ARHGAP12: variants seen among roughly 807,000 people sequenced by gnomAD.
ARHGAP12 encodes the protein Rho GTPase activating protein 12, also known as rho GTPase-activating protein 12.
In ARHGAP12, 64 loss-of-function variants were observed where a neutral mutation model predicts 108.6. That is an observed-to-expected ratio of 0.59 (90% CI 0.48 to 0.73). The LOEUF (loss-of-function observed/expected upper bound fraction) is 0.73. Among genes scored for constraint, ARHGAP12 ranks in the 30% least tolerant of loss-of-function variants. The pLI is 0.00. For synonymous variants in ARHGAP12, 312 were observed against 337.2 expected (o/e 0.93, Z 0.82); for missense variants, 940 against 1,005.9 (o/e 0.93, Z 0.89).
At chr10:31,853,165 TAAC>T (rs1207559177) in intron 5 of ARHGAP12, among the ~76,000 whole-genome samples, 1 of 152,156 alleles carries the variant, frequency 6.6e-6, no homozygotes, top group Non-Finnish European at 1.5e-5. Context: ...AAGCACCACT[TAAC>T]AACAAGCAAC....
At chr10:31,879,492 T>C (rs1837856578) in intron 3 of ARHGAP12, among the ~76,000 whole-genome samples, 1 of 152,246 alleles carries the variant, frequency 6.6e-6, no homozygotes, top group Non-Finnish European at 1.5e-5. Context: ...AAAAAATTTA[T>C]TTTGAAAATA....
chr10:31,892,295 A>C (rs998894959), intron 3 of ARHGAP12, among the ~76,000 whole-genome samples: 1 of 152,218 alleles, frequency 6.6e-6, no homozygotes, highest in Non-Finnish European at 1.5e-5. Flanking sequence ...TAAATGCTCC[A>C]ATTAAAAGAC....
chr10:31,839,644 T>C lies in ARHGAP12; in HGVS notation c.1364A>G (p.Gln455Arg), dbSNP rs1483239953. 1.2e-6 allele frequency: 2 copies of C among 1,604,550 alleles called. No homozygotes were observed. The highest frequency in any genetic ancestry group is 2.2e-5 in the East Asian group (1 of 44,554). Residue 455 changes from glutamine to arginine, a missense_variant, in exon 8 of 20, where the codon CAA becomes CGA. Transcript: ENST00000344936. ...TGCTTCTATCATACTAACTGTATCT[T>C]GGTGCTTTGGTGAGGAGGGAGAAGA... The part of the protein sequence containing the change: ...NESSPSSPKH[Q>R]DTASSPKDQE...
chr10:31,851,464 C>T (rs2132279171), intron 6 of ARHGAP12, among the ~76,000 whole-genome samples: 1 of 152,254 alleles, frequency 6.6e-6, no homozygotes, highest in South Asian at 2.1e-4. Flanking sequence ...CCATTATGGC[C>T]ACCTACACAT....
intron 3 of ARHGAP12, among the ~76,000 whole-genome samples, chr10:31,887,707 G>GAGT (rs1838242312): frequency 6.7e-6 from 1 of 149,376 alleles, no homozygotes; most frequent in Non-Finnish European, 1.5e-5. Context: ...GCCCAGGCTG[G>GAGT]AGTGCAGTGG....
chr10:31,918,291 G>A (rs1839643963), intron 1 of ARHGAP12, among the ~76,000 whole-genome samples: 1 of 146,622 alleles, frequency 6.8e-6, no homozygotes, highest in African/African-American at 2.5e-5. Context: ...CAAAGATGCT[G>A]AATATTACTG....
chr10:31,881,255 G>A (rs890940963), intron 3 of ARHGAP12, among the ~76,000 whole-genome samples: 2 of 151,750 alleles, frequency 1.3e-5, no homozygotes, highest in Non-Finnish European at 2.9e-5. Flanking sequence ...GTAATGGGCA[G>A]TATCATGTTA....
intron 3 of ARHGAP12, among the ~76,000 whole-genome samples, chr10:31,905,865 T>C (rs1351743196): frequency 3.3e-5 from 5 of 151,368 alleles, no homozygotes; most frequent in South Asian, 4.1e-4. Flanking sequence ...ATAACAACAA[T>C]AATAACAATG....
chr10:31,833,024 A>C (rs1348251195), intron 9 of ARHGAP12, among the ~76,000 whole-genome samples: 4 of 152,164 alleles, frequency 2.6e-5, no homozygotes, highest in African/African-American at 4.8e-5. Flanking sequence ...CAAAAACATT[A>C]ATAACACAAT....
At position 31,861,376 on chromosome 10, in the gene ARHGAP12, A is replaced by G. The variant is rs777661450; in HGVS notation, c.948+19T>C. 6.4e-7 allele frequency: 1 copy of G among 1,574,484 alleles called. No individual in the cohort carries two copies. Among genetic ancestry groups the G allele is most frequent in the East Asian group, 2.2e-5 (1 of 44,576 alleles). On this transcript the variant is annotated intron_variant, in intron 4 of 19. Transcript: ENST00000344936. ...GAGAAAATCTGGTAACTTGCAGTTG[A>G]TTCCTTAATTACTCATACCTCTTGA...
In ARHGAP12 at chr10:31,820,434, T is replaced by C. The variant is rs185255532; in HGVS notation, c.1585A>G (p.Ile529Val). The change falls in exon 12 of 20, where the codon ATT becomes GTT. Residue 529 changes from isoleucine to valine, a missense_variant. Transcript: ENST00000344936. ...EFTVDLKGAT[I>V]EMASKDKSSK... ...GATTTATCCTTTGAAGCCATCTCAA[T>C]TGTTGCCCCCTTGAGGTCCACTGTG... The C allele has an allele frequency of 6.8e-6, 11 of 1,612,520 alleles. No homozygotes were observed. The highest frequency in any genetic ancestry group is 2.2e-5 in the East Asian group (1 of 44,730).
At chr10:31,879,005 T>A (rs1837839521) in intron 3 of ARHGAP12, among the ~76,000 whole-genome samples, 1 of 152,228 alleles carries the variant, frequency 6.6e-6, no homozygotes, top group Admixed American at 6.5e-5. Context: ...AAATGAAATC[T>A]TCAACTATTT....
intron 3 of ARHGAP12, among the ~76,000 whole-genome samples, chr10:31,887,727 G>A (rs996218445): frequency 6.2e-5 from 9 of 145,134 alleles, no homozygotes; most frequent in Non-Finnish European, 1.0e-4. Context: ...GCGTGATCTC[G>A]CCTCACTGCA....
intron 1 of ARHGAP12, among the ~76,000 whole-genome samples, chr10:31,911,878 T>G (rs1839364401): frequency 2.6e-5 from 4 of 152,222 alleles, no homozygotes; most frequent in African/African-American, 9.6e-5. Flanking sequence ...AAAAAAGTAC[T>G]GTCAAGGGAG....
At chr10:31,903,483 T>C (rs564162825) in intron 3 of ARHGAP12, among the ~76,000 whole-genome samples, 6 of 152,316 alleles carry the variant, frequency 3.9e-5, no homozygotes, top group African/African-American at 7.2e-5. Flanking sequence ...AGAGTTCTTA[T>C]ACTTGATATA....
chr10:31,826,215 G>C, intron 11 of ARHGAP12, 89 bp downstream of exon 11: 1 of 986,936 alleles, frequency 1.0e-6, no homozygotes, highest in Non-Finnish European at 1.5e-6. Flanking sequence ...ATAACTATAA[G>C]GACTCTGGAA....
intron 7 of ARHGAP12, 72 bp from the exon 8 acceptor site, chr10:31,839,783 G>C (rs1836189576): frequency 3.2e-6 from 4 of 1,258,868 alleles, no homozygotes; most frequent in Non-Finnish European, 4.4e-6. Flanking sequence ...CTCACAGTGG[G>C]AGAGCTTAGT....
rs1173511735 is a variant in ARHGAP12 at position 31,831,817 on chromosome 10, T to C, written c.1387-17A>G. The stretch of plus-strand genomic sequence containing the variant: ...CTCTTGATCCTATGGAACAGAGTAA[T>C]ACTGTTTATACAATCACATAGACAA... On this transcript the variant is annotated splice_polypyrimidine_tract_variant and intron_variant, in intron 9 of 19. Transcript: ENST00000344936. 1 of 1,468,670 alleles carries C rather than the reference T, an allele frequency of 6.8e-7. No individual in the cohort carries two copies. The highest frequency in any genetic ancestry group is 1.2e-5 in the South Asian group (1 of 80,926). The allele number at this position is 1,468,670 out of a possible 1,614,324, so 91.0% of individuals were successfully genotyped here.
In ARHGAP12 at chr10:31,820,054, A is replaced by T. The variant is rs560086113; in HGVS notation, c.1632+333T>A. The stretch of plus-strand genomic sequence containing the variant: ...TCCCATACACCCCCTGCCCACCCCC[A>T]CACACAGCCTCCCCATTATCAACAT... On this transcript the variant is annotated intron_variant, in intron 12 of 19. Coordinates refer to ENST00000344936, the MANE Select transcript of ARHGAP12 (RefSeq NM_018287.7). Among the ~76,000 whole-genome samples the T allele has an allele frequency of 6.6e-5, 10 of 151,198 alleles. No homozygotes were observed. In the East Asian group the frequency reaches 2.0e-3, roughly 30 times the overall value.
Sources: allele counts gnomAD v4.1 joint callset (sites outside exome capture counted in the v4.1 genomes callset), GRCh38; gene constraint gnomAD v4.1.1; transcripts MANE v1.5; gene names NCBI Gene and HGNC (gene_info 2026-07-23, HGNC 2026-07-21).